The following CACNA2D3 variants were observed in gnomAD, a reference collection of about 807,000 sequenced individuals.
CACNA2D3 encodes the protein voltage-dependent calcium channel subunit alpha-2/delta-3.
CACNA2D3 carries 60 observed loss-of-function variants against 160.6 expected under a neutral mutation model. That is an observed-to-expected ratio of 0.37 (90% CI 0.30 to 0.46). The LOEUF is 0.46. Among genes scored for constraint, CACNA2D3 ranks in the 20% least tolerant of loss-of-function variants. The pLI, the probability that CACNA2D3 is intolerant of heterozygous loss-of-function variation, is 1.00. For synonymous variants in CACNA2D3, 558 were observed against 492.9 expected (o/e 1.13, Z -1.75); for missense variants, 1,205 against 1,365.0 (o/e 0.88, Z 1.85).
intron 3 of CACNA2D3, among the ~76,000 whole-genome samples, chr3:54,381,292 G>T (rs149329109): frequency 6.6e-6 from 1 of 151,972 alleles, no homozygotes; most frequent in South Asian, 2.1e-4. Flanking sequence ...TGTCCCTACC[G>T]CCCATTTTAG....
intron 2 of CACNA2D3, among the ~76,000 whole-genome samples, chr3:54,215,888 T>TTG (rs1553757126): frequency 2.0e-5 from 3 of 151,936 alleles, no homozygotes; most frequent in Non-Finnish European, 4.4e-5. Context: ...TCTTTTCTTT[T>TTG]TTTTTTCTTG....
At chr3:54,322,337 G>T (rs1704021194) in intron 3 of CACNA2D3, among the ~76,000 whole-genome samples, 1 of 152,234 alleles carries the variant, frequency 6.6e-6, no homozygotes, top group Non-Finnish European at 1.5e-5. Context: ...CAGCCTGGCG[G>T]CATTACGAGA....
chr3:55,021,625 G>GTATA (rs61298986), intron 35 of CACNA2D3, among the ~76,000 whole-genome samples: 187 of 131,484 alleles, frequency 1.4e-3, no homozygotes, highest in Non-Finnish European at 2.1e-3. Flanking sequence ...ATGTGTGTGT[G>GTATA]TATATATATA....
chr3:54,968,544 G>A (rs752627962), intron 28 of CACNA2D3, 33 bp downstream of exon 28: 24 of 1,533,886 alleles, frequency 1.6e-5, no homozygotes, highest in Middle Eastern at 3.4e-4. Flanking sequence ...AAGCATTAGC[G>A]ACACTGTTAT....
At chr3:54,150,318 A>T (rs931882616) in intron 2 of CACNA2D3, among the ~76,000 whole-genome samples, 1 of 152,192 alleles carries the variant, frequency 6.6e-6, no homozygotes, top group East Asian at 1.9e-4. Context: ...GGAAATACTT[A>T]GGGGATTTTG....
At chr3:54,998,713 T>TTTTTG (rs150766606) in intron 31 of CACNA2D3, among the ~76,000 whole-genome samples, 19,798 of 147,090 alleles carry the variant, frequency 0.13, 1,431 homozygotes, top group East Asian at 0.28. Context: ...CTAAAGTTGG[T>TTTTTG]TTTTGTTTTG....
intron 29 of CACNA2D3, among the ~76,000 whole-genome samples, chr3:54,972,269 T>C (rs1016626994): frequency 2.0e-5 from 3 of 152,232 alleles, no homozygotes; most frequent in Admixed American, 1.3e-4. Context: ...GAACTTGATC[T>C]GATGCTCAAA....
At chr3:54,883,323 C>G (rs1329573908) in intron 21 of CACNA2D3, among the ~76,000 whole-genome samples, 1 of 152,084 alleles carries the variant, frequency 6.6e-6, no homozygotes, top group Non-Finnish European at 1.5e-5. Flanking sequence ...CGCCTGGCCA[C>G]TTTGTATCTT....
chr3:54,231,638 T>A (rs573800839), intron 2 of CACNA2D3, among the ~76,000 whole-genome samples: 2 of 152,314 alleles, frequency 1.3e-5, no homozygotes, highest in African/African-American at 4.8e-5. Flanking sequence ...TGAAAGGGAT[T>A]TTTGTCCAGT....
intron 23 of CACNA2D3, among the ~76,000 whole-genome samples, chr3:54,886,330 A>G (rs1461009032): frequency 6.6e-6 from 1 of 152,248 alleles, no homozygotes; most frequent in East Asian, 1.9e-4. Context: ...GAATGGATTT[A>G]CTTTTTGGGA....
intron 2 of CACNA2D3, among the ~76,000 whole-genome samples, chr3:54,248,481 C>CAAAAAAA (rs577393882): frequency 4.5e-5 from 2 of 44,398 alleles, no homozygotes; most frequent in Non-Finnish European, 9.8e-5. Context: ...AACTCCATCT[C>CAAAAAAA]AAAAAAAAAA....
intron 11 of CACNA2D3, among the ~76,000 whole-genome samples, chr3:54,733,127 C>T (rs991082399): frequency 6.6e-5 from 10 of 152,130 alleles, no homozygotes; most frequent in Admixed American, 4.6e-4. Flanking sequence ...GGGCCTTGGA[C>T]GAATAGATGG....
intron 9 of CACNA2D3, among the ~76,000 whole-genome samples, chr3:54,583,634 C>T (rs949877830): frequency 2.6e-5 from 4 of 152,158 alleles, no homozygotes; most frequent in African/African-American, 9.7e-5. Context: ...CCGCAATGCT[C>T]CAATGAGCAT....
chr3:54,830,450 CT>C (rs35103723), intron 14 of CACNA2D3, among the ~76,000 whole-genome samples: 80,071 of 137,170 alleles, frequency 0.58, 22,804 homozygotes, highest in African/African-American at 0.66. Context: ...CATTTAAATA[CT>C]TTTTTTTTTT....
At chr3:54,926,024 G>T (rs938619822) in intron 27 of CACNA2D3, among the ~76,000 whole-genome samples, 2 of 152,076 alleles carry the variant, frequency 1.3e-5, no homozygotes, top group Non-Finnish European at 2.9e-5. Context: ...GTACTTCCTT[G>T]ATTCTTTTTT....
intron 2 of CACNA2D3, among the ~76,000 whole-genome samples, chr3:54,215,511 CAT>C (rs1359560985): frequency 2.0e-5 from 3 of 152,184 alleles, no homozygotes; most frequent in Non-Finnish European, 2.9e-5. Context: ...TTATTACACA[CAT>C]GTGGGTTTGG....
intron 27 of CACNA2D3, chr3:54,927,792 C>A: frequency 8.9e-7 from 1 of 1,117,970 alleles, no homozygotes; most frequent in Non-Finnish European, 1.4e-6. Context: ...CATATCTGTC[C>A]AGTCTTTTAA....
chr3:54,958,465 A>G (rs1443935747), intron 27 of CACNA2D3, among the ~76,000 whole-genome samples: 1 of 152,226 alleles, frequency 6.6e-6, no homozygotes, highest in Non-Finnish European at 1.5e-5. Flanking sequence ...TACAACCTTG[A>G]TAGTCTTAGA....
At chr3:54,366,215 G>A (rs980250967) in intron 3 of CACNA2D3, among the ~76,000 whole-genome samples, 1 of 152,166 alleles carries the variant, frequency 6.6e-6, no homozygotes, top group Non-Finnish European at 1.5e-5. Flanking sequence ...TTTGATTAGG[G>A]TGTTGAAGGA....
Sources: gnomAD v4.1 joint callset for allele counts (sites outside exome capture counted in the v4.1 genomes callset) on GRCh38, gnomAD v4.1.1 for gene constraint, MANE v1.5 for transcripts, NCBI Gene and HGNC (gene_info 2026-07-23, HGNC 2026-07-21) for gene names.